The following EIF4G3 variants were observed in gnomAD, a reference collection of about 807,000 sequenced individuals.
The protein encoded by EIF4G3 is eIF-4-gamma 3.
EIF4G3 carries 34 observed loss-of-function variants against 186.4 expected under a neutral mutation model. The ratio of observed to expected loss-of-function variants is 0.18; its 90% CI spans 0.14 to 0.24. The LOEUF is 0.24. Among genes scored for constraint, EIF4G3 ranks in the 10% least tolerant of loss-of-function variants. EIF4G3 has a pLI of 1.00. For missense variants in EIF4G3, 1,536 were observed against 1,948.5 expected (o/e 0.79, Z 3.99); for synonymous variants, 673 against 679.5 (o/e 0.99, Z 0.15).
intron 4 of EIF4G3, among the ~76,000 whole-genome samples, chr1:21,014,155 C>T (rs1232051739): frequency 6.6e-6 from 1 of 152,006 alleles, no homozygotes; most frequent in African/African-American, 2.4e-5. Flanking sequence ...GGTGACAAAG[C>T]GAGACTCCAT....
intron 7 of EIF4G3, among the ~76,000 whole-genome samples, chr1:20,986,581 T>TA (rs1023088109): frequency 2.0e-5 from 3 of 151,050 alleles, no homozygotes; most frequent in African/African-American, 4.9e-5. Flanking sequence ...CCGTCTCCAC[T>TA]AAAAAAATAC....
At chr1:21,156,468 A>G (rs1399208759) in intron 2 of EIF4G3, among the ~76,000 whole-genome samples, 1 of 152,134 alleles carries the variant, frequency 6.6e-6, no homozygotes, top group Non-Finnish European at 1.5e-5. Flanking sequence ...AAACATCTTC[A>G]GTTATCTCCA....
At chr1:20,862,483 A>T in intron 22 of EIF4G3, 151 bp from the exon 23 acceptor site, 4 of 540,702 alleles carry the variant, frequency 7.4e-6, no homozygotes, top group South Asian at 2.6e-5. Flanking sequence ...TAGCACAATC[A>T]CGGCTCACTG....
In EIF4G3 at chr1:20,945,369, A is replaced by G. The variant is rs189545617; in HGVS notation, c.824-3039T>C. On this transcript the variant is annotated intron_variant, in intron 13 of 36. Coordinates refer to ENST00000602326, the MANE Select transcript of EIF4G3 (RefSeq NM_001391906.1). ...TCAACAATAGAGATTTATTAAAGAA[A>G]TGATAATCTGGGCATATAATGGCAT... is the stretch of plus-strand genomic sequence containing the variant. 2.0e-5 allele frequency among the ~76,000 whole-genome samples: 3 copies of G among 152,354 alleles called. No individual in the cohort carries two copies. The East Asian group carries it at 5.8e-4, about 29-fold the overall frequency.
chr1:20,813,398 T>TA (rs11303095), intron 34 of EIF4G3, among the ~76,000 whole-genome samples, 159 bp from the exon 35 acceptor site: 24,240 of 81,706 alleles, frequency 0.3, 3,771 homozygotes, highest in Non-Finnish European at 0.4. Context: ...CCCTATCTCT[T>TA]AAAAAAAAAA....
intron 18 of EIF4G3, among the ~76,000 whole-genome samples, chr1:20,891,494 C>T (rs764203804): frequency 4.0e-5 from 6 of 151,738 alleles, no homozygotes; most frequent in Non-Finnish European, 7.4e-5. Context: ...TAAAATGGGC[C>T]GGGCACAGTG....
intron 36 of EIF4G3, among the ~76,000 whole-genome samples, chr1:20,809,228 C>G (rs2058752794): frequency 6.6e-6 from 1 of 152,006 alleles, no homozygotes. Context: ...ATGCCTCGGC[C>G]TTTTTTTAAA....
At chr1:21,159,723 C>T (rs1339101513) in intron 2 of EIF4G3, among the ~76,000 whole-genome samples, 1 of 152,016 alleles carries the variant, frequency 6.6e-6, no homozygotes. Context: ...TCCTAGCACT[C>T]TGGGAGGCCA....
intron 23 of EIF4G3, 64 bp from the exon 24 acceptor site, chr1:20,860,581 T>G (rs766209157): frequency 1.6e-5 from 25 of 1,556,080 alleles, no homozygotes; most frequent in Non-Finnish European, 2.0e-5. Context: ...ATTTAAAAAT[T>G]AGCAATTTTT....
chr1:21,072,036 T>C (rs1191014925), intron 3 of EIF4G3, among the ~76,000 whole-genome samples: 2 of 152,206 alleles, frequency 1.3e-5, no homozygotes, highest in African/African-American at 4.8e-5. Context: ...TCTAATAATA[T>C]GGCAACGGTT....
intron 7 of EIF4G3, among the ~76,000 whole-genome samples, chr1:20,994,182 T>C (rs1432174512): frequency 2.0e-5 from 3 of 152,220 alleles, no homozygotes; most frequent in African/African-American, 7.2e-5. Context: ...CTTTGATAAC[T>C]GGTTATCCCA....
chr1:20,869,649 C>G (rs2078591254), intron 20 of EIF4G3, among the ~76,000 whole-genome samples: 1 of 151,742 alleles, frequency 6.6e-6, no homozygotes, highest in Admixed American at 6.6e-5. Flanking sequence ...GTGGCGGGCG[C>G]CTGTAGTCCC....
intron 3 of EIF4G3, among the ~76,000 whole-genome samples, chr1:21,085,573 T>G (rs965346642): frequency 1.3e-5 from 2 of 151,720 alleles, no homozygotes; most frequent in Non-Finnish European, 2.9e-5. Context: ...GCTAGTTTAT[T>G]TTTTGTTGAG....
At chr1:21,039,370 G>A (rs2093427886) in intron 4 of EIF4G3, among the ~76,000 whole-genome samples, 2 of 152,228 alleles carry the variant, frequency 1.3e-5, no homozygotes, top group African/African-American at 2.4e-5. Flanking sequence ...AGATCTAAAT[G>A]TAAGAGCTAA....
intron 2 of EIF4G3, among the ~76,000 whole-genome samples, chr1:21,173,254 T>C (rs892728878): frequency 5.5e-5 from 8 of 145,976 alleles, no homozygotes; most frequent in Non-Finnish European, 1.1e-4. Context: ...TGGAGCGCAG[T>C]GGTGCAGTCT....
intron 17 of EIF4G3, among the ~76,000 whole-genome samples, chr1:20,894,804 C>T (rs1011420203): frequency 6.6e-6 from 1 of 152,170 alleles, no homozygotes; most frequent in African/African-American, 2.4e-5. Flanking sequence ...TAAACAAATA[C>T]TGACTGTACT....
intron 3 of EIF4G3, among the ~76,000 whole-genome samples, chr1:21,068,256 C>T (rs1056207246): frequency 1.3e-5 from 2 of 151,506 alleles, no homozygotes; most frequent in African/African-American, 4.9e-5. Context: ...GTAATCCCAG[C>T]TACTCGGGAG....
intron 34 of EIF4G3, among the ~76,000 whole-genome samples, chr1:20,815,506 G>T (rs972400504): frequency 6.6e-6 from 1 of 151,736 alleles, no homozygotes; most frequent in Non-Finnish European, 1.5e-5. Flanking sequence ...GTCTCTGCCC[G>T]GCCGCCCCGT....
At chr1:20,839,675 A>G (rs1223464775) in intron 30 of EIF4G3, among the ~76,000 whole-genome samples, 1 of 151,656 alleles carries the variant, frequency 6.6e-6, no homozygotes, top group Admixed American at 6.6e-5. Flanking sequence ...TTGTATTTTT[A>G]GTAGATGTTG....
Sources: gnomAD v4.1 joint callset for allele counts (sites outside exome capture counted in the v4.1 genomes callset) on GRCh38, gnomAD v4.1.1 for gene constraint, MANE v1.5 for transcripts, NCBI Gene and HGNC (gene_info 2026-07-23, HGNC 2026-07-21) for gene names.